The following RFX3 variants were observed in gnomAD, a reference collection of about 807,000 sequenced individuals.
The protein encoded by RFX3 is regulatory factor X3.
A neutral mutation model predicts 98.6 loss-of-function variants in RFX3; 14 were observed. That is an observed-to-expected ratio of 0.14 (90% CI 0.09 to 0.22). RFX3 has a LOEUF of 0.22. Among genes scored for constraint, RFX3 ranks in the 10% least tolerant of loss-of-function variants. The pLI is 1.00. For synonymous variants in RFX3, 383 were observed against 328.4 expected, an observed-to-expected ratio of 1.17 and a Z score of -1.80; for missense variants, 639 against 926.9, an observed-to-expected ratio of 0.69 and a Z score of 4.03.
intron 11 of RFX3, among the ~76,000 whole-genome samples, chr9:3,267,638 A>G (rs1823816946): frequency 6.6e-6 from 1 of 151,884 alleles, no homozygotes; most frequent in Admixed American, 6.6e-5. Flanking sequence ...CTTAACCACG[A>G]GGATCATCTA....
intron 1 of RFX3, among the ~76,000 whole-genome samples, chr9:3,512,475 A>C (rs1817750330): frequency 6.6e-6 from 1 of 151,996 alleles, no homozygotes; most frequent in African/African-American, 2.4e-5. Context: ...TTTAGATATC[A>C]GATAAACTAA....
intron 1 of RFX3, among the ~76,000 whole-genome samples, chr9:3,450,476 C>T (rs1032707762): frequency 6.6e-6 from 1 of 151,994 alleles, no homozygotes; most frequent in African/African-American, 2.4e-5. Context: ...TTTAGTGATA[C>T]AAAAGAAAGT....
chr9:3,230,585 A>T (rs73642618), intron 15 of RFX3, among the ~76,000 whole-genome samples: 6,043 of 152,256 alleles, frequency 0.04, 289 homozygotes, highest in African/African-American at 0.12. Flanking sequence ...GGGATTCTTC[A>T]TCAATTTTTG....
At chr9:3,504,182 C>CATATTATATATTATAT (rs1564183270) in intron 1 of RFX3, among the ~76,000 whole-genome samples, 2 of 85,278 alleles carry the variant, frequency 2.3e-5, no homozygotes, top group Non-Finnish European at 3.6e-5. Context: ...ATATATTATA[C>CATATTATATATTATAT]ATATTATATA....
At position 3,219,169 on chromosome 9, in the gene RFX3, C is replaced by CT. The variant is rs1817217512; in HGVS notation, c.*5872dup. ...AAAATTTGCTTTGGTACAAAAGATG[C>CT]TTTTTAAACGAATAAAGTTCAATAG... On this transcript the variant is annotated 3_prime_UTR_variant, in exon 17 of 17. Transcript: ENST00000617270. The CT allele has an allele frequency of 6.6e-6, 1 of 152,050 alleles. No homozygotes were observed. The highest frequency in any genetic ancestry group is 6.5e-5 in the Admixed American group (1 of 15,268). 9.4% of individuals were successfully genotyped at this position (152,050 alleles called of 1,614,324 possible).
At chr9:3,371,894 A>G (rs374299626) in intron 2 of RFX3, among the ~76,000 whole-genome samples, 4 of 152,336 alleles carry the variant, frequency 2.6e-5, no homozygotes, top group African/African-American at 9.6e-5. Flanking sequence ...TTAGGTACCA[A>G]GAAAAATTCC....
intron 2 of RFX3, among the ~76,000 whole-genome samples, chr9:3,371,576 TAA>T (rs1837865884): frequency 6.6e-6 from 1 of 152,154 alleles, no homozygotes; most frequent in Admixed American, 6.5e-5. Context: ...TTAAATTATA[TAA>T]GACTTCTTTT....
chr9:3,493,001 T>C (rs1850833444), intron 1 of RFX3, among the ~76,000 whole-genome samples: 1 of 152,134 alleles, frequency 6.6e-6, no homozygotes, highest in African/African-American at 2.4e-5. Flanking sequence ...GAATCTTCAT[T>C]ATAACTCATC....
intron 1 of RFX3, among the ~76,000 whole-genome samples, chr9:3,501,777 G>C (rs145748955): frequency 0.017 from 2,635 of 151,284 alleles, 94 homozygotes; most frequent in African/African-American, 0.06. Flanking sequence ...GGCTGGTCTC[G>C]AACTCCTGGC....
chr9:3,291,589 A>T (rs2991296), intron 6 of RFX3, among the ~76,000 whole-genome samples: 17,132 of 152,046 alleles, frequency 0.11, 2,674 homozygotes, highest in African/African-American at 0.35. Context: ...TCTTTGGGCC[A>T]TCATTTTTGA....
Position 3,224,836 on chromosome 9 carries a change from C to A in RFX3, c.*206G>T. 6.6e-6 allele frequency: 3 copies of A among 456,086 alleles called. No homozygotes were observed. Among genetic ancestry groups the A allele is most frequent in the East Asian group, 3.4e-5 (1 of 29,538 alleles). 28.3% of individuals were successfully genotyped at this position (456,086 alleles called of 1,614,324 possible). On this transcript the variant is annotated 3_prime_UTR_variant, in exon 17 of 17. Transcript: ENST00000617270. ...ACACCTGAAACTAAGGGAAAAAATT[C>A]ATTATTAAGAAGCAAATAATTTGTT...
chr9:3,422,436 C>A (rs893221378), intron 1 of RFX3, among the ~76,000 whole-genome samples: 1 of 152,066 alleles, frequency 6.6e-6, no homozygotes, highest in Non-Finnish European at 1.5e-5. Flanking sequence ...GCTATTCCAC[C>A]CTGGCATGGG....
intron 1 of RFX3, among the ~76,000 whole-genome samples, chr9:3,515,977 T>C (rs1818116715): frequency 6.6e-6 from 1 of 152,142 alleles, no homozygotes; most frequent in Non-Finnish European, 1.5e-5. Context: ...AATGCAAAAA[T>C]GCTTCCTCTT....
intron 2 of RFX3, among the ~76,000 whole-genome samples, chr9:3,347,847 G>C (rs1834616573): frequency 6.6e-6 from 1 of 152,094 alleles, no homozygotes; most frequent in South Asian, 2.1e-4. Context: ...AGGAATTCCA[G>C]AGATTATATC....
At chr9:3,243,280 A>G (rs1393856200) in intron 15 of RFX3, among the ~76,000 whole-genome samples, 9 of 151,476 alleles carry the variant, frequency 5.9e-5, no homozygotes, top group East Asian at 5.8e-4. Context: ...AAATTTAAAA[A>G]TTATATAAAT....
chr9:3,524,651 C>A, intron 1 of RFX3: 1 of 981,606 alleles, frequency 1.0e-6, no homozygotes, highest in East Asian at 1.1e-4. Context: ...CCCTGTTCAT[C>A]ACAAAGTCTC....
chr9:3,379,103 A>G (rs1479872198), intron 2 of RFX3, among the ~76,000 whole-genome samples: 1 of 152,184 alleles, frequency 6.6e-6, no homozygotes, highest in African/African-American at 2.4e-5. Context: ...TGTGCCAGAC[A>G]TAGTGCATGC....
chr9:3,505,881 T>C (rs920411858), intron 1 of RFX3, among the ~76,000 whole-genome samples: 39 of 151,640 alleles, frequency 2.6e-4, no homozygotes, highest in African/African-American at 9.2e-4. Context: ...CCCCAATTGT[T>C]TGAATGTGAG....
At chr9:3,294,024 T>C (rs1827704083) in intron 5 of RFX3, among the ~76,000 whole-genome samples, 1 of 152,208 alleles carries the variant, frequency 6.6e-6, no homozygotes, top group Non-Finnish European at 1.5e-5. Flanking sequence ...TCTAAAGTTT[T>C]ATGTTATCCT....
Sources: allele counts gnomAD v4.1 joint callset (sites outside exome capture counted in the v4.1 genomes callset), GRCh38; gene constraint gnomAD v4.1.1; transcripts MANE v1.5; gene names NCBI Gene and HGNC (gene_info 2026-07-23, HGNC 2026-07-21).